The following SPARCL1 variants were observed in gnomAD, a reference collection of about 807,000 sequenced individuals.
SPARCL1 encodes the protein SPARC-like protein 1.
In SPARCL1, 52 loss-of-function variants were observed where a neutral mutation model predicts 67.1. That is an observed-to-expected ratio of 0.78 (90% CI 0.62 to 0.98). The LOEUF (loss-of-function observed/expected upper bound fraction) is 0.98. Among genes scored for constraint, SPARCL1 ranks in the 50% least tolerant of loss-of-function variants. The probability of loss-of-function intolerance (pLI) is 0.00; values close to 1 mark genes in which losing one functional copy is unlikely to be tolerated. For missense variants in SPARCL1, 717 were observed against 782.4 expected (o/e 0.92, Z 1.00); for synonymous variants, 226 against 267.8 (o/e 0.84, Z 1.52).
chr4:87,513,542 C>T (rs1348868852), intron 1 of SPARCL1, among the ~76,000 whole-genome samples: 1 of 152,172 alleles, frequency 6.6e-6, no homozygotes, highest in Non-Finnish European at 1.5e-5. Context: ...TAGCTCCTTG[C>T]AAGGTGAGGT....
chr4:87,506,377 G>A (rs1725072365), intron 1 of SPARCL1, among the ~76,000 whole-genome samples: 1 of 152,088 alleles, frequency 6.6e-6, no homozygotes, highest in Admixed American at 6.5e-5. Context: ...ATTATTCCTG[G>A]GTGTGTCTCT....
rs59503255 is a variant in SPARCL1, at chr4:87,480,820, C to CCTTTTTTTTTTTTTTTTTTTTTT, written c.1669-301_1669-300insAAAAAAAAAAAAAAAAAAAAAAG. 3.0e-5 allele frequency among the ~76,000 whole-genome samples: 4 copies of CCTTTTTTTTTTTTTTTTTTTTTT among 133,384 alleles called. 1 individual carries two copies. Among genetic ancestry groups the CCTTTTTTTTTTTTTTTTTTTTTT allele is most frequent in the Non-Finnish European group, 1.7e-5 (1 of 60,446 alleles). 87.5% of individuals were successfully genotyped at this position (133,384 alleles called of 152,430 possible). The stretch of plus-strand genomic sequence containing the variant: ...TCTTTTAACCAAGTAATGTTCGCTG[C>CCTTTTTTTTTTTTTTTTTTTTTT]TTTTTTTTTTTTTTTTTAAACTATG... On this transcript the variant is annotated intron_variant, in intron 8 of 10. Coordinates refer to ENST00000282470, the MANE Select transcript of SPARCL1 (RefSeq NM_004684.6).
chr4:87,482,711 C>A, intron 7 of SPARCL1, 151 bp from the exon 8 acceptor site: 1 of 740,290 alleles, frequency 1.4e-6, no homozygotes, highest in Non-Finnish European at 2.2e-6. Context: ...CTGGCAGCAG[C>A]ACAACAAAAT....
In SPARCL1 at chr4:87,522,640, AACACACACACACACAC is replaced by A. The variant is rs57929830; in HGVS notation, c.-12+6389_-12+6404del. ...CCGCTCCTCCCAGCCACCACCACCA[AACACACACACACACAC>A]ACACACACACACACACACACACACA... On this transcript the variant is annotated intron_variant, in intron 1 of 10. Coordinates refer to ENST00000282470, the MANE Select transcript of SPARCL1 (RefSeq NM_004684.6). Among the ~76,000 whole-genome samples the A allele has an allele frequency of 7.5e-3, 988 of 131,888 alleles. 4 individuals are homozygous for A. Among genetic ancestry groups the A allele is most frequent in the Non-Finnish European group, 0.011 (658 of 60,774 alleles). The allele number at this position is 131,888 out of a possible 152,430, so 86.5% of individuals were successfully genotyped here.
intron 1 of SPARCL1, among the ~76,000 whole-genome samples, chr4:87,510,157 T>C (rs1725287316): frequency 6.6e-6 from 1 of 152,216 alleles, no homozygotes; most frequent in African/African-American, 2.4e-5. Context: ...TTATCTACTC[T>C]TTTGAGGTTA....
intron 1 of SPARCL1, among the ~76,000 whole-genome samples, chr4:87,518,091 A>G (rs1363969074): frequency 3.9e-5 from 6 of 152,204 alleles, no homozygotes; most frequent in African/African-American, 1.4e-4. Context: ...CTTATTATCT[A>G]CCTTTTCTGA....
At chr4:87,510,578 G>A (rs1725305447) in intron 1 of SPARCL1, among the ~76,000 whole-genome samples, 1 of 152,104 alleles carries the variant, frequency 6.6e-6, no homozygotes, top group Non-Finnish European at 1.5e-5. Flanking sequence ...TCAGAGGAGA[G>A]GGATCTTCCC....
intron 7 of SPARCL1, among the ~76,000 whole-genome samples, chr4:87,487,642 C>G (rs980847406): frequency 6.6e-6 from 1 of 152,198 alleles, no homozygotes; most frequent in Non-Finnish European, 1.5e-5. Context: ...GTTGGTCTGT[C>G]TTGCTAGGTT....
At chr4:87,483,389 A>G (rs1723912069) in intron 7 of SPARCL1, among the ~76,000 whole-genome samples, 1 of 152,156 alleles carries the variant, frequency 6.6e-6, no homozygotes, top group Non-Finnish European at 1.5e-5. Flanking sequence ...TTCCAGCTTC[A>G]TCCATGTCTC....
intron 3 of SPARCL1, 82 bp downstream of exon 3, chr4:87,494,899 C>T: frequency 7.9e-7 from 1 of 1,268,114 alleles, no homozygotes; most frequent in South Asian, 1.5e-5. Context: ...ACATAAATAA[C>T]ATAATCTCTT....
chr4:87,489,663 A>G (rs1724229456), intron 7 of SPARCL1, among the ~76,000 whole-genome samples: 1 of 152,218 alleles, frequency 6.6e-6, no homozygotes, highest in Admixed American at 6.5e-5. Context: ...GAACTCACAT[A>G]GATGACTTTT....
rs188722401 is a variant in SPARCL1 at position 87,479,335 on chromosome 4, C to T, written c.1966+95G>A. ...ACCTTTTTTTTTCTAGCTTCCAATT[C>T]GAACATGTGGCAGGACCTCTCTATG... On this transcript the variant is annotated intron_variant, in intron 10 of 10. Transcript: ENST00000282470. 4,159 of 1,316,514 alleles carry T rather than the reference C, an allele frequency of 3.2e-3. 74 individuals are homozygous for T. In the South Asian group the frequency reaches 0.032, roughly 10 times the overall value. 81.6% of individuals were successfully genotyped at this position (1,316,514 alleles called of 1,614,324 possible). A position where few individuals can be genotyped will look rare whatever the true frequency, so the allele number is the denominator to read the frequency against.
At chr4:87,524,116 AGG>A (rs1398463625) in intron 1 of SPARCL1, among the ~76,000 whole-genome samples, 12 of 152,370 alleles carry the variant, frequency 7.9e-5, no homozygotes, top group African/African-American at 2.4e-4. Context: ...AAAACACTGG[AGG>A]AACTGAAACA....
chr4:87,482,767 G>A (rs1283632001), intron 7 of SPARCL1, among the ~76,000 whole-genome samples: 1 of 152,150 alleles, frequency 6.6e-6, no homozygotes. Flanking sequence ...TTCCAATCAA[G>A]TAAATTCTGA....
chr4:87,520,982 G>A (rs911104684), intron 1 of SPARCL1, among the ~76,000 whole-genome samples: 8 of 152,262 alleles, frequency 5.3e-5, no homozygotes, highest in East Asian at 1.9e-4. Context: ...ATCATTCTCC[G>A]TCTAGATTTA....
intron 1 of SPARCL1, among the ~76,000 whole-genome samples, chr4:87,502,107 T>C (rs4693822): frequency 0.43 from 65,775 of 151,598 alleles, 14,978 homozygotes; most frequent in East Asian, 0.74. Context: ...CCTGGCCTGT[T>C]TTATTGATTA....
rs1316476820 is a variant in SPARCL1 at position 87,493,810 on chromosome 4, G to A, written c.990C>T (p.Thr330=). 3.7e-6 allele frequency: 6 copies of A among 1,614,056 alleles called. No individual in the cohort carries two copies. The highest frequency in any genetic ancestry group is 5.1e-6 in the Non-Finnish European group (6 of 1,180,012). The change falls in exon 4 of 11, where the codon ACC becomes ACT. Residue 330 remains threonine, a synonymous_variant. Transcript: ENST00000282470. The stretch of plus-strand genomic sequence containing the variant: ...CATCAACTCCATGATTTCTGGGCGT[G>A]GTATTACCATCATCAGTAGGTTCCA... ...LLMEPTDDGN[T]TPRNHGVDDD...
intron 1 of SPARCL1, among the ~76,000 whole-genome samples, chr4:87,527,419 G>A (rs1257215162): frequency 6.6e-6 from 1 of 152,146 alleles, no homozygotes; most frequent in Non-Finnish European, 1.5e-5. Flanking sequence ...GTAGAAAAAT[G>A]TTCCCAACCA....
At chr4:87,481,302 AC>A (rs1723812828) in intron 8 of SPARCL1, among the ~76,000 whole-genome samples, 1 of 152,088 alleles carries the variant, frequency 6.6e-6, no homozygotes, top group Non-Finnish European at 1.5e-5. Context: ...CTCCCCACTA[AC>A]ATTTCCTTCT....
Sources: allele counts gnomAD v4.1 joint callset (sites outside exome capture counted in the v4.1 genomes callset), GRCh38; gene constraint gnomAD v4.1.1; transcripts MANE v1.5; gene names NCBI Gene and HGNC (gene_info 2026-07-23, HGNC 2026-07-21).